The following TOX variants were observed in gnomAD, a reference collection of about 807,000 sequenced individuals.
The protein encoded by TOX is thymocyte selection-associated high mobility group box protein TOX.
Under a neutral mutation model 53.7 loss-of-function variants are expected in TOX, and 11 were observed. That is an observed-to-expected ratio of 0.20 (90% CI 0.13 to 0.34). The LOEUF is 0.34. Among genes scored for constraint, TOX ranks in the 10% least tolerant of loss-of-function variants. TOX has a pLI of 1.00. For synonymous variants in TOX, 225 were observed against 245.3 expected, an observed-to-expected ratio of 0.92 and a Z score of 0.77; for missense variants, 570 against 664.6, an observed-to-expected ratio of 0.86 and a Z score of 1.56.
At chr8:58,988,008 C>T (rs1438482246) in intron 1 of TOX, among the ~76,000 whole-genome samples, 3 of 152,192 alleles carry the variant, frequency 2.0e-5, no homozygotes, top group Admixed American at 2.0e-4. Flanking sequence ...TTCTGACTCC[C>T]AGGGTCTAAG....
chr8:58,907,277 T>A (rs950901411), intron 3 of TOX, among the ~76,000 whole-genome samples: 8 of 152,202 alleles, frequency 5.3e-5, no homozygotes, highest in African/African-American at 1.9e-4. Flanking sequence ...TTGGACTTGA[T>A]AATTTGGTCT....
Position 58,920,616 on chromosome 8 carries a change from G to A in TOX, c.411+18686C>T, listed in dbSNP as rs1438955594. 3.8e-5 allele frequency among the ~76,000 whole-genome samples: 4 copies of A among 106,450 alleles called. No homozygotes were observed. The East Asian group carries it at 8.1e-4, about 22-fold the overall frequency. The allele number at this position is 106,450 out of a possible 152,430, so 69.8% of individuals were successfully genotyped here. ...AGATATACCTAATGCTAGATGACACGTTAGTGGGTGCAGTGCACCAGCATG... is the reference window on the plus strand; with the variant it reads ...AGATATACCTAATGCTAGATGACACATTAGTGGGTGCAGTGCACCAGCATG... On this transcript the variant is annotated intron_variant, in intron 3 of 8. Coordinates refer to ENST00000361421, the MANE Select transcript of TOX (RefSeq NM_014729.3).
chr8:59,075,595 T>C (rs1480431164), intron 1 of TOX, among the ~76,000 whole-genome samples: 15 of 152,176 alleles, frequency 9.9e-5, no homozygotes, highest in Admixed American at 9.2e-4. Flanking sequence ...AATCTGTCTT[T>C]TCTTATAGGG....
chr8:59,060,069 A>G (rs899813957), intron 1 of TOX, among the ~76,000 whole-genome samples: 2 of 152,176 alleles, frequency 1.3e-5, no homozygotes, highest in Non-Finnish European at 2.9e-5. Flanking sequence ...ATTCTTTGAC[A>G]AAATTCTAAA....
intron 3 of TOX, among the ~76,000 whole-genome samples, chr8:58,902,696 T>G (rs573553077): frequency 2.6e-5 from 4 of 152,236 alleles, no homozygotes; most frequent in Non-Finnish European, 5.9e-5. Context: ...TCACCTGGAT[T>G]ATTTAAATTC....
At chr8:59,096,705 C>T (rs763541550) in intron 1 of TOX, among the ~76,000 whole-genome samples, 8 of 152,146 alleles carry the variant, frequency 5.3e-5, no homozygotes, top group African/African-American at 9.7e-5. Context: ...AGGAGAGACT[C>T]GCCTATGATT....
intron 1 of TOX, among the ~76,000 whole-genome samples, chr8:59,016,482 GCTAA>G (rs1814011676): frequency 6.6e-6 from 1 of 152,018 alleles, no homozygotes; most frequent in South Asian, 2.1e-4. Flanking sequence ...CACCACTACT[GCTAA>G]CTATGGCTCA....
intron 1 of TOX, among the ~76,000 whole-genome samples, chr8:59,067,365 C>T (rs895835416): frequency 4.5e-4 from 68 of 152,046 alleles, no homozygotes; most frequent in Non-Finnish European, 8.1e-4. Flanking sequence ...ACCAGCCTGG[C>T]CAACATGGTG....
chr8:58,950,833 G>A (rs539377902), intron 2 of TOX, among the ~76,000 whole-genome samples: 2 of 152,096 alleles, frequency 1.3e-5, no homozygotes, highest in South Asian at 2.1e-4. Flanking sequence ...ACTGGGCAGC[G>A]GTGGTGCAGG....
intron 1 of TOX, among the ~76,000 whole-genome samples, chr8:59,113,528 T>C (rs1805054741): frequency 6.6e-6 from 1 of 151,974 alleles, no homozygotes. Flanking sequence ...ACTGCAAGAA[T>C]GGATATGTTC....
intron 6 of TOX, among the ~76,000 whole-genome samples, chr8:58,825,383 T>A (rs1810348520): frequency 6.6e-6 from 1 of 152,174 alleles, no homozygotes; most frequent in South Asian, 2.1e-4. Flanking sequence ...TTCGCAGCAT[T>A]TATACAAATT....
intron 1 of TOX, among the ~76,000 whole-genome samples, chr8:59,001,263 G>A (rs1372901876): frequency 2.0e-5 from 3 of 152,194 alleles, no homozygotes; most frequent in Non-Finnish European, 4.4e-5. Context: ...ATACATCAAA[G>A]AGGTGACAAC....
At chr8:58,990,079 C>A (rs1813412604) in intron 1 of TOX, among the ~76,000 whole-genome samples, 1 of 152,184 alleles carries the variant, frequency 6.6e-6, no homozygotes, top group South Asian at 2.1e-4. Context: ...TTACTATATC[C>A]CACTGTCCCA....
rs549051237 is a variant in TOX, at chr8:59,030,126, A to G, written c.103-70118T>C. Among the ~76,000 whole-genome samples, 10 of 152,292 alleles carry G rather than the reference A, an allele frequency of 6.6e-5. No homozygotes were observed. The South Asian group carries it at 1.0e-3, about 16-fold the overall frequency. On this transcript the variant is annotated intron_variant, in intron 1 of 8. Coordinates refer to ENST00000361421, the MANE Select transcript of TOX (RefSeq NM_014729.3). ...TATAATCAAGAGGAAAGCCATTGCC[A>G]TCTGTTTAAAATACTAAGGAGCACA...
chr8:58,978,153 T>TG (rs1197394104), intron 1 of TOX, among the ~76,000 whole-genome samples: 1 of 152,112 alleles, frequency 6.6e-6, no homozygotes, highest in African/African-American at 2.4e-5. Context: ...AGGGTAGGCA[T>TG]GGGGGAGGAG....
At chr8:58,951,438 T>G (rs895484203) in intron 2 of TOX, among the ~76,000 whole-genome samples, 2 of 152,038 alleles carry the variant, frequency 1.3e-5, no homozygotes, top group Non-Finnish European at 2.9e-5. Context: ...TTTATCATCA[T>G]CTTTCAAAGC....
intron 1 of TOX, among the ~76,000 whole-genome samples, chr8:58,979,867 T>C (rs116246724): frequency 1.2e-4 from 18 of 152,326 alleles, no homozygotes; most frequent in African/African-American, 4.3e-4. Context: ...TCATGGGTCA[T>C]TGTGAGCATA....
chr8:58,820,321 C>A (rs1810252822), intron 6 of TOX, among the ~76,000 whole-genome samples: 2 of 151,592 alleles, frequency 1.3e-5, no homozygotes, highest in African/African-American at 2.4e-5. Flanking sequence ...AATTTTAGCA[C>A]TTCATGAACT....
intron 1 of TOX, among the ~76,000 whole-genome samples, chr8:59,039,305 G>T (rs1803527771): frequency 1.3e-5 from 2 of 152,174 alleles, no homozygotes; most frequent in African/African-American, 4.8e-5. Context: ...ATGACTGAAA[G>T]CAACAATTAT....
Sources: gnomAD v4.1 joint callset for allele counts (sites outside exome capture counted in the v4.1 genomes callset) on GRCh38, gnomAD v4.1.1 for gene constraint, MANE v1.5 for transcripts, NCBI Gene and HGNC (gene_info 2026-07-23, HGNC 2026-07-21) for gene names.